PWWP2A: variants seen among roughly 807,000 people sequenced by gnomAD.
The protein encoded by PWWP2A is PWWP domain containing 2A.
In PWWP2A, 18 loss-of-function variants were observed where a neutral mutation model predicts 48.5. The ratio of observed to expected loss-of-function variants is 0.37; its 90% CI spans 0.26 to 0.55. The LOEUF is 0.55. PWWP2A is among the 20% of genes least tolerant of loss of function. The pLI is 0.81. For missense variants in PWWP2A, 867 were observed against 976.4 expected (o/e 0.89, Z 1.49); for synonymous variants, 396 against 387.7 (o/e 1.02, Z -0.25).
rs1758443210 is a variant in PWWP2A at position 160,119,033 on chromosome 5, G to A, written c.356C>T (p.Ser119Leu). Residue 119 changes from serine (S) to leucine (L), a missense_variant, in exon 1 of 2, where the codon TCG becomes TTG. Ser to Leu is a moderately radical substitution (Grantham distance 145). Transcript: ENST00000307063. ...GGGAGCCGGGGGCTGCTCCGGCGGCGATGCAGGAGAAGGTGGAAGTTCCGG... is the reference window on the plus strand; with the variant it reads ...GGGAGCCGGGGGCTGCTCCGGCGGCAATGCAGGAGAAGGTGGAAGTTCCGG... ...GGPELPPSPA[S>L]PPEQPPAPEE... The A allele has an allele frequency of 1.3e-6, 2 of 1,596,426 alleles. No individual in the cohort carries two copies. Among genetic ancestry groups the A allele is most frequent in the Non-Finnish European group, 1.7e-6 (2 of 1,176,404 alleles).
chr5:160,052,121 C>T, the PWWP2A span, among the ~76,000 whole-genome samples: 7 of 152,268 alleles, frequency 4.6e-5, no homozygotes, highest in Non-Finnish European at 7.4e-5. Context: ...ACTGTAAAGA[C>T]GGCTGCTTCC....
the PWWP2A span, among the ~76,000 whole-genome samples, chr5:160,047,408 A>T: frequency 6.6e-6 from 1 of 152,162 alleles, no homozygotes; most frequent in South Asian, 2.1e-4. Flanking sequence ...ATGGGCTCAA[A>T]TTTAAAGACA....
chr5:160,090,167 CAT>C, downstream of PWWP2A: 3 of 984,520 alleles, frequency 3.0e-6, no homozygotes, highest in Non-Finnish European at 3.6e-6. Flanking sequence ...ATTCAACAAT[CAT>C]GTTTTTTTTT....
At chr5:160,090,362 A>G (rs565140614), downstream of PWWP2A, 1 of 984,188 alleles carries the variant, frequency 1.0e-6, no homozygotes, top group African/African-American at 1.7e-5. Flanking sequence ...TCTGAACTTT[A>G]GATTTCAAAC....
At chr5:160,045,454 CCA>C in the PWWP2A span, among the ~76,000 whole-genome samples, 636 of 38,860 alleles carry the variant, frequency 0.016, 7 homozygotes, top group Non-Finnish European at 0.02. Context: ...CCCCCACCCT[CCA>C]CACACACACA....
downstream of PWWP2A, chr5:160,089,871 T>A (rs929681399): frequency 1.5e-5 from 15 of 985,120 alleles, no homozygotes; most frequent in African/African-American, 3.5e-5. Context: ...AAATATAAAG[T>A]GGCTACAACT....
the PWWP2A span, among the ~76,000 whole-genome samples, chr5:160,049,192 A>G: frequency 6.6e-6 from 1 of 152,240 alleles, no homozygotes; most frequent in Non-Finnish European, 1.5e-5. Flanking sequence ...TGTGAAAATT[A>G]TGTGAACTTA....
intron 1 of PWWP2A, among the ~76,000 whole-genome samples, chr5:160,096,929 C>T (rs1194142231): frequency 6.6e-6 from 1 of 151,922 alleles, no homozygotes; most frequent in South Asian, 2.1e-4. Context: ...CTATTTCTGA[C>T]CTTAAAAGGA....
downstream of PWWP2A, among the ~76,000 whole-genome samples, chr5:160,071,060 A>C (rs1753728263): frequency 6.6e-6 from 1 of 152,144 alleles, no homozygotes; most frequent in Admixed American, 6.6e-5. Context: ...ATGGTGGTAC[A>C]CACCTGTAGT....
chr5:160,094,079 G>T lies in PWWP2A; in HGVS notation c.585-14C>A. On this transcript the variant is annotated splice_polypyrimidine_tract_variant and intron_variant, in intron 1 of 1. Transcript: ENST00000307063. The stretch of plus-strand genomic sequence containing the variant: ...TGGGGCCCAAACCTTTGAAAGAAAT[G>T]GAAGAAAAAAAGAAGACATTAAGTT... The T allele has an allele frequency of 1.3e-6, 2 of 1,552,388 alleles. No homozygotes were observed. The highest frequency in any genetic ancestry group is 2.4e-5 in the South Asian group (2 of 83,552).
At chr5:160,117,417 G>A (rs1397026003) in intron 1 of PWWP2A, among the ~76,000 whole-genome samples, 2 of 152,270 alleles carry the variant, frequency 1.3e-5, no homozygotes, top group African/African-American at 4.8e-5. Flanking sequence ...CCCTTTGGGA[G>A]GCTGAGGCGG....
chr5:160,105,643 TA>T, intron 1 of PWWP2A: 1 of 969,224 alleles, frequency 1.0e-6, no homozygotes, highest in Non-Finnish European at 1.2e-6. Flanking sequence ...TAAAAGACTA[TA>T]ACAATTTCCT....
At chr5:160,076,479 TC>T (rs2113452886) in exon 4 of PWWP2A, 1 of 152,290 alleles carries the variant, frequency 6.6e-6, no homozygotes, top group East Asian at 1.9e-4. Context: ...TCTTTAGAAC[TC>T]CCTGCTGCTA....
chr5:160,092,299 C>G lies in PWWP2A; in HGVS notation c.*83G>C. On this transcript the variant is annotated 3_prime_UTR_variant, in exon 2 of 2. Coordinates refer to ENST00000307063, the MANE Select transcript of PWWP2A (RefSeq NM_001130864.2). The stretch of plus-strand genomic sequence containing the variant: ...GCAACTTCTCTCTCCAATCTGGCCA[C>G]GCTATTTTGTAGAAATTATTCCTAA... 2.1e-6 allele frequency: 3 copies of G among 1,450,770 alleles called. No homozygotes were observed. In the South Asian group the frequency reaches 4.6e-5, roughly 22 times the overall value. 89.9% of individuals were successfully genotyped at this position (1,450,770 alleles called of 1,614,324 possible). A position where few individuals can be genotyped will look rare whatever the true frequency, so the allele number is the denominator to read the frequency against.
At chr5:160,071,159 A>T (rs577398016), downstream of PWWP2A, among the ~76,000 whole-genome samples, 65 of 152,326 alleles carry the variant, frequency 4.3e-4, 1 homozygote, top group South Asian at 0.013. Flanking sequence ...ACTGCATTCC[A>T]GCCTGGGAAT....
the PWWP2A span, among the ~76,000 whole-genome samples, chr5:160,045,561 C>T: frequency 3.6e-5 from 5 of 138,896 alleles, no homozygotes; most frequent in African/African-American, 1.1e-4. Context: ...CTCCCCCTCC[C>T]CTCTCTCAAT....
At chr5:160,090,571 T>C, downstream of PWWP2A, 1 of 984,648 alleles carries the variant, frequency 1.0e-6, no homozygotes. Flanking sequence ...TTTATTATAA[T>C]CAAAAAGCAT....
At chr5:160,060,832 T>C (rs150466169), downstream of PWWP2A, among the ~76,000 whole-genome samples, 401 of 152,360 alleles carry the variant, frequency 2.6e-3, 3 homozygotes, top group Middle Eastern at 0.01. Flanking sequence ...CATACTGTTT[T>C]GCCCTGTTCT....
chr5:160,105,586 G>T, intron 1 of PWWP2A: 38 of 477,150 alleles, frequency 8.0e-5, no homozygotes, highest in South Asian at 9.0e-5. Flanking sequence ...ATGGAAAAAA[G>T]AAAGCAAGCA....
Sources: allele counts gnomAD v4.1 joint callset (sites outside exome capture counted in the v4.1 genomes callset), GRCh38; gene constraint gnomAD v4.1.1; transcripts MANE v1.5; gene names NCBI Gene and HGNC (gene_info 2026-07-23, HGNC 2026-07-21).